Variants in COL19A1 observed in about 807,000 individuals in gnomAD.
COL19A1 encodes the protein collagen alpha-1(XIX) chain.
COL19A1 carries 159 observed loss-of-function variants against 190.2 expected under a neutral mutation model. The observed-to-expected ratio is 0.84, with a 90% confidence interval of 0.73 to 0.95. The LOEUF is 0.95. Among genes scored for constraint, COL19A1 ranks in the 40% least tolerant of loss-of-function variants. COL19A1 has a pLI of 0.00. For synonymous variants in COL19A1, 509 were observed against 458.9 expected (o/e 1.11, Z -1.39); for missense variants, 1,418 against 1,431.9 (o/e 0.99, Z 0.16).
chr6:70,177,853 T>A (rs1235873318), intron 42 of COL19A1, among the ~76,000 whole-genome samples: 2 of 152,238 alleles, frequency 1.3e-5, no homozygotes, highest in East Asian at 1.9e-4. Flanking sequence ...CCCAGGTGTG[T>A]CTACAAATTA....
At chr6:69,907,198 C>T (rs1460169722) in intron 4 of COL19A1, among the ~76,000 whole-genome samples, 1 of 150,164 alleles carries the variant, frequency 6.7e-6, no homozygotes, top group Non-Finnish European at 1.5e-5. Flanking sequence ...GGCACCATCT[C>T]GGCTCACTGC....
chr6:70,190,306 C>A lies in COL19A1; in HGVS notation c.3028-9C>A. ...TCTATTTTAACAACCTTTTTTTTTC[C>A]TTCTTCAGGCTGATGCAGTTTCATT... On this transcript the variant is annotated splice_polypyrimidine_tract_variant and intron_variant, in intron 47 of 50. Coordinates refer to ENST00000620364, the MANE Select transcript of COL19A1 (RefSeq NM_001858.6). 6.3e-7 allele frequency: 1 copy of A among 1,581,496 alleles called. No individual in the cohort carries two copies. Among genetic ancestry groups the A allele is most frequent in the Non-Finnish European group, 8.6e-7 (1 of 1,160,144 alleles).
rs576098384 is a variant in COL19A1 at position 70,037,958 on chromosome 6, G to A, written c.1170+2019G>A. Among the ~76,000 whole-genome samples, 5 of 151,820 alleles carry A rather than the reference G, an allele frequency of 3.3e-5. No homozygotes were observed. In the South Asian group the frequency reaches 1.0e-3, roughly 32 times the overall value. ...TAAAGTAAAATATTCATATTATTGG[G>A]GTATTACTATTTTGTATGCTTGACA... is the stretch of plus-strand genomic sequence containing the variant. On this transcript the variant is annotated intron_variant, in intron 14 of 50. Coordinates refer to ENST00000620364, the MANE Select transcript of COL19A1 (RefSeq NM_001858.6).
At chr6:69,924,239 C>G (rs929789542) in intron 4 of COL19A1, among the ~76,000 whole-genome samples, 7 of 152,084 alleles carry the variant, frequency 4.6e-5, no homozygotes, top group African/African-American at 1.7e-4. Context: ...TCTCCTAATG[C>G]TATCCCTCCC....
At chr6:70,029,226 T>TAAAA (rs1778895117) in intron 12 of COL19A1, among the ~76,000 whole-genome samples, 1 of 152,174 alleles carries the variant, frequency 6.6e-6, no homozygotes, top group Non-Finnish European at 1.5e-5. Flanking sequence ...TTAAAAATTT[T>TAAAA]TAACAAATAA....
intron 9 of COL19A1, among the ~76,000 whole-genome samples, chr6:69,944,988 A>G (rs559073190): frequency 1.3e-5 from 2 of 152,048 alleles, no homozygotes; most frequent in Non-Finnish European, 2.9e-5. Context: ...GTAGTTAGCA[A>G]CCTAATTCCT....
intron 49 of COL19A1, among the ~76,000 whole-genome samples, chr6:70,205,960 A>G (rs1429473378): frequency 6.6e-6 from 1 of 152,202 alleles, no homozygotes; most frequent in African/African-American, 2.4e-5. Flanking sequence ...ATACACTGCC[A>G]TGTTCAAACA....
chr6:70,045,322 A>C lies in COL19A1; in HGVS notation c.1170+9383A>C, dbSNP rs957548074. On this transcript the variant is annotated intron_variant, in intron 14 of 50. Coordinates refer to ENST00000620364, the MANE Select transcript of COL19A1 (RefSeq NM_001858.6). ...AGCGAGACTCTGTCTCAAAAAAAAAAAAAAAAAAAAAAACTTTCTCCGATC... is the reference window on the plus strand; with the variant it reads ...AGCGAGACTCTGTCTCAAAAAAAAACAAAAAAAAAAAAACTTTCTCCGATC... Among the ~76,000 whole-genome samples the C allele has an allele frequency of 1.2e-4, 18 of 151,916 alleles. No individual in the cohort carries two copies. The East Asian group carries it at 3.3e-3, about 28-fold the overall frequency.
In COL19A1 at chr6:70,144,234, C is replaced by T. The variant is rs1168553927; in HGVS notation, c.1651C>T (p.Pro551Ser). 1 of 1,611,950 alleles carries T rather than the reference C, an allele frequency of 6.2e-7. No individual in the cohort carries two copies. Among genetic ancestry groups the T allele is most frequent in the East Asian group, 2.2e-5 (1 of 44,804 alleles). The change falls in exon 24 of 51, where the codon CCA becomes TCA. Residue 551 changes from proline (P) to serine (S), a missense_variant. Pro to Ser is a moderately conservative substitution (Grantham distance 74, BLOSUM62 -1). Coordinates refer to ENST00000620364, the MANE Select transcript of COL19A1 (RefSeq NM_001858.6). ...DVGLPGEHGI[P>S]GKQGIKGEKG... is the part of the protein sequence containing the mutation. ...GGGATTGCCAGGAGAACATGGTATC[C>T]CAGGAAAACAAGGCATTAAAGGAGA...
intron 46 of COL19A1, among the ~76,000 whole-genome samples, chr6:70,186,423 G>A (rs918837486): frequency 3.3e-5 from 5 of 152,152 alleles, no homozygotes; most frequent in Admixed American, 3.3e-4. Flanking sequence ...AACTAAGACA[G>A]TAGCATTGAT....
At chr6:69,946,756 TG>T (rs911530252) in intron 9 of COL19A1, among the ~76,000 whole-genome samples, 3 of 151,876 alleles carry the variant, frequency 2.0e-5, no homozygotes, top group African/African-American at 4.8e-5. Flanking sequence ...CTGGAATTCC[TG>T]GGGAAAAGAT....
At chr6:69,939,742 A>G (rs1417444008) in intron 9 of COL19A1, among the ~76,000 whole-genome samples, 1 of 152,120 alleles carries the variant, frequency 6.6e-6, no homozygotes, top group African/African-American at 2.4e-5. Context: ...GAGGACTCAG[A>G]AAGTGGAAAG....
chr6:69,924,116 A>G (rs1426632461), intron 4 of COL19A1, among the ~76,000 whole-genome samples: 2 of 152,088 alleles, frequency 1.3e-5, no homozygotes, highest in African/African-American at 4.8e-5. Flanking sequence ...CTTCTTTTAA[A>G]TTATACTTTA....
intron 2 of COL19A1, among the ~76,000 whole-genome samples, chr6:69,891,674 A>T (rs1769362362): frequency 6.6e-6 from 1 of 152,194 alleles, no homozygotes; most frequent in African/African-American, 2.4e-5. Context: ...AACAGGAAGG[A>T]CCTAGAGAAT....
intron 15 of COL19A1, among the ~76,000 whole-genome samples, chr6:70,094,116 A>G (rs975153546): frequency 2.2e-4 from 34 of 152,316 alleles, no homozygotes; most frequent in Admixed American, 2.2e-3. Flanking sequence ...ATATCTATTA[A>G]GAAATAAAAT....
chr6:69,905,046 C>T (rs1399787869), intron 4 of COL19A1, among the ~76,000 whole-genome samples: 1 of 152,126 alleles, frequency 6.6e-6, no homozygotes, highest in Non-Finnish European at 1.5e-5. Flanking sequence ...CATTGGGGCC[C>T]ATCCAAGCAG....
At chr6:69,927,805 A>G in intron 4 of COL19A1, 104 bp from the exon 5 acceptor site, 1 of 1,392,370 alleles carries the variant, frequency 7.2e-7, no homozygotes, top group Non-Finnish European at 9.7e-7. Context: ...ATTTACTGAG[A>G]AAAATATGAC....
chr6:70,152,306 C>T (rs537651683), intron 31 of COL19A1, among the ~76,000 whole-genome samples: 1 of 152,100 alleles, frequency 6.6e-6, no homozygotes, highest in African/African-American at 2.4e-5. Context: ...GCATTTAGCC[C>T]AGTGATTTAC....
intron 31 of COL19A1, 145 bp from the exon 32 acceptor site, chr6:70,155,982 G>T: frequency 1.7e-6 from 1 of 586,038 alleles, no homozygotes; most frequent in Non-Finnish European, 2.9e-6. Context: ...TTTTTAAATT[G>T]GATACATCAA....
Sources: gnomAD v4.1 joint callset for allele counts (sites outside exome capture counted in the v4.1 genomes callset) on GRCh38, gnomAD v4.1.1 for gene constraint, MANE v1.5 for transcripts, NCBI Gene and HGNC (gene_info 2026-07-23, HGNC 2026-07-21) for gene names.